NELL2: variants seen among roughly 807,000 people sequenced by gnomAD.
NELL2 encodes the protein protein kinase C-binding protein NELL2.
A neutral mutation model predicts 109.6 loss-of-function variants in NELL2; 41 were observed. The ratio of observed to expected loss-of-function variants is 0.37; its 90% CI spans 0.29 to 0.49. The LOEUF (loss-of-function observed/expected upper bound fraction) is 0.49. Among genes scored for constraint, NELL2 ranks in the 20% least tolerant of loss-of-function variants. The probability of loss-of-function intolerance (pLI) is 0.98; values close to 1 mark genes in which losing one functional copy is unlikely to be tolerated. For missense variants in NELL2, 900 were observed against 1,008.3 expected (o/e 0.89, Z 1.45); for synonymous variants, 355 against 344.7 (o/e 1.03, Z -0.33).
At chr12:44,576,196 C>A (rs2136202539) in intron 15 of NELL2, among the ~76,000 whole-genome samples, 1 of 152,318 alleles carries the variant, frequency 6.6e-6, no homozygotes, top group South Asian at 2.1e-4. Flanking sequence ...CTGAGTAGAT[C>A]AAATCCCCCA....
chr12:44,756,977 TAG>T (rs1940917702), intron 9 of NELL2, among the ~76,000 whole-genome samples: 1 of 152,184 alleles, frequency 6.6e-6, no homozygotes, highest in African/African-American at 2.4e-5. Context: ...TATTTCCTCT[TAG>T]ATGTCTATGG....
intron 13 of NELL2, among the ~76,000 whole-genome samples, chr12:44,626,679 C>T (rs749217603): frequency 3.9e-5 from 6 of 152,056 alleles, no homozygotes; most frequent in Non-Finnish European, 5.9e-5. Context: ...TGGACCCTGT[C>T]GGCTGCATCT....
intron 13 of NELL2, among the ~76,000 whole-genome samples, chr12:44,616,413 A>G (rs937284021): frequency 2.7e-5 from 4 of 146,656 alleles, no homozygotes; most frequent in Non-Finnish European, 4.5e-5. Context: ...ATTTCACGTA[A>G]GTAAATTATC....
At chr12:44,624,825 C>T (rs565466432) in intron 13 of NELL2, among the ~76,000 whole-genome samples, 5 of 151,820 alleles carry the variant, frequency 3.3e-5, no homozygotes, top group South Asian at 2.1e-4. Flanking sequence ...CCATCCTCCA[C>T]GCGCAATCCA....
In NELL2 at chr12:44,718,312, G is replaced by T. The variant is rs574702505; in HGVS notation, c.995-3571C>A. Among the ~76,000 whole-genome samples the T allele has an allele frequency of 2.6e-5, 4 of 152,278 alleles. No individual in the cohort carries two copies. The East Asian group carries it at 7.7e-4, about 29-fold the overall frequency. Reference sequence around the variant, plus strand: ...TGGCTACCACAATGGCTACAGGACCGTCCCTGGAATTCTCTAACTGAAAAG... The same window carrying T: ...TGGCTACCACAATGGCTACAGGACCTTCCCTGGAATTCTCTAACTGAAAAG... On this transcript the variant is annotated intron_variant, in intron 9 of 19. Transcript: ENST00000429094.
intron 9 of NELL2, among the ~76,000 whole-genome samples, chr12:44,737,511 A>C (rs1316520296): frequency 6.6e-6 from 1 of 152,060 alleles, no homozygotes; most frequent in Non-Finnish European, 1.5e-5. Flanking sequence ...GTGTTATTTT[A>C]ATTCGAAATC....
intron 12 of NELL2, among the ~76,000 whole-genome samples, chr12:44,668,054 G>A (rs954386762): frequency 1.3e-5 from 2 of 152,130 alleles, no homozygotes; most frequent in African/African-American, 4.8e-5. Flanking sequence ...ATCCTGTCCT[G>A]AGGCCCAAAA....
intron 9 of NELL2, among the ~76,000 whole-genome samples, chr12:44,749,795 A>G (rs770511025): frequency 2.6e-5 from 4 of 152,150 alleles, no homozygotes; most frequent in Non-Finnish European, 5.9e-5. Flanking sequence ...AATTATGTAG[A>G]AGGGCAAATA....
intron 12 of NELL2, among the ~76,000 whole-genome samples, chr12:44,691,488 G>T (rs573527640): frequency 1.3e-5 from 2 of 152,172 alleles, no homozygotes; most frequent in South Asian, 4.2e-4. Context: ...GGGATACAAC[G>T]ATATTGAAAT....
At chr12:44,643,553 G>A (rs937859552) in intron 13 of NELL2, among the ~76,000 whole-genome samples, 2 of 151,964 alleles carry the variant, frequency 1.3e-5, no homozygotes, top group Non-Finnish European at 2.9e-5. Flanking sequence ...AGATACTGGG[G>A]GATTTTAATT....
intron 9 of NELL2, among the ~76,000 whole-genome samples, chr12:44,731,947 A>G (rs2136474947): frequency 6.6e-6 from 1 of 152,182 alleles, no homozygotes; most frequent in Admixed American, 6.5e-5. Context: ...AAATAGGAAA[A>G]GGAAATAAAG....
intron 15 of NELL2, among the ~76,000 whole-genome samples, chr12:44,575,595 G>C (rs1464842557): frequency 1.3e-5 from 2 of 152,220 alleles, no homozygotes; most frequent in African/African-American, 4.8e-5. Context: ...GATTAATGCA[G>C]TGAAACTGTA....
chr12:44,671,894 A>G (rs1210172613), intron 12 of NELL2, among the ~76,000 whole-genome samples: 1 of 152,224 alleles, frequency 6.6e-6, no homozygotes, highest in Non-Finnish European at 1.5e-5. Flanking sequence ...AGAGGGTCCC[A>G]TCAACAAGTC....
At chr12:44,734,272 T>C (rs1939523921) in intron 9 of NELL2, among the ~76,000 whole-genome samples, 1 of 151,970 alleles carries the variant, frequency 6.6e-6, no homozygotes, top group African/African-American at 2.4e-5. Context: ...AAAATCTACT[T>C]TGATTTTTCA....
chr12:44,557,357 C>T (rs1452779073), intron 15 of NELL2, among the ~76,000 whole-genome samples: 2 of 152,118 alleles, frequency 1.3e-5, no homozygotes, highest in Non-Finnish European at 2.9e-5. Flanking sequence ...CTCTGAAATG[C>T]TGTTATCAGT....
At chr12:44,910,303 G>T (rs945619741) in intron 1 of NELL2, among the ~76,000 whole-genome samples, 1 of 151,912 alleles carries the variant, frequency 6.6e-6, no homozygotes, top group Non-Finnish European at 1.5e-5. Flanking sequence ...TAAAGAATGG[G>T]CAAAAGACAT....
chr12:44,749,826 C>T (rs1212694649), intron 9 of NELL2, among the ~76,000 whole-genome samples: 1 of 152,058 alleles, frequency 6.6e-6, no homozygotes. Flanking sequence ...AAGAAACAGA[C>T]ACAATGTAAG....
chr12:44,682,934 A>T (rs1025253509), intron 12 of NELL2, among the ~76,000 whole-genome samples: 1 of 152,200 alleles, frequency 6.6e-6, no homozygotes, highest in Non-Finnish European at 1.5e-5. Flanking sequence ...ACTTTAAAGT[A>T]GTTTTTTCCA....
intron 15 of NELL2, among the ~76,000 whole-genome samples, chr12:44,547,773 C>A (rs1209054999): frequency 6.6e-6 from 1 of 152,146 alleles, no homozygotes; most frequent in Non-Finnish European, 1.5e-5. Flanking sequence ...GCTCTGCCTG[C>A]CCCTTCCCTG....
Sources: gnomAD v4.1 joint callset for allele counts (sites outside exome capture counted in the v4.1 genomes callset) on GRCh38, gnomAD v4.1.1 for gene constraint, MANE v1.5 for transcripts, NCBI Gene and HGNC (gene_info 2026-07-23, HGNC 2026-07-21) for gene names.